The following PTBP3 variants were observed in gnomAD, a reference collection of about 807,000 sequenced individuals.
PTBP3 encodes the protein polypyrimidine tract binding protein 3, also known as polypyrimidine tract-binding protein 3.
A neutral mutation model predicts 58.7 loss-of-function variants in PTBP3; 20 were observed. The ratio of observed to expected loss-of-function variants is 0.34; its 90% CI spans 0.24 to 0.50. The LOEUF is 0.50. PTBP3 is among the 20% of genes least tolerant of loss of function. PTBP3 has a pLI of 0.98. For synonymous variants in PTBP3, 185 were observed against 219.8 expected (o/e 0.84, Z 1.40); for missense variants, 509 against 637.2 (o/e 0.80, Z 2.17).
intron 10 of PTBP3, among the ~76,000 whole-genome samples, chr9:112,230,386 A>G (rs373552003): frequency 6.7e-6 from 1 of 149,012 alleles, no homozygotes; most frequent in African/African-American, 2.5e-5. Flanking sequence ...AATCTTACAA[A>G]TGAAGCATAT....
At chr9:112,300,988 CAATA>C (rs57448585) in intron 1 of PTBP3, among the ~76,000 whole-genome samples, 127,132 of 151,360 alleles carry the variant, frequency 0.84, 53,684 homozygotes, top group African/African-American at 0.92. Flanking sequence ...GCACGAATGG[CAATA>C]AATAAATAAA....
chr9:112,363,916 A>G, the PTBP3 span, among the ~76,000 whole-genome samples: 1 of 152,216 alleles, frequency 6.6e-6, no homozygotes, highest in African/African-American at 2.4e-5. Context: ...TGACAAATAT[A>G]TAATGACATA....
intron 7 of PTBP3, among the ~76,000 whole-genome samples, chr9:112,243,506 C>T (rs1342571309): frequency 6.6e-6 from 1 of 151,938 alleles, no homozygotes; most frequent in Non-Finnish European, 1.5e-5. Context: ...TGTGCAACTG[C>T]ACTCCAACCT....
chr9:112,316,474 G>C (rs548495659), intron 1 of PTBP3, among the ~76,000 whole-genome samples: 1 of 152,158 alleles, frequency 6.6e-6, no homozygotes, highest in East Asian at 1.9e-4. Flanking sequence ...CCACACAAGT[G>C]AGCTCGAACA....
chr9:112,287,787 T>C (rs1270528578), intron 2 of PTBP3, among the ~76,000 whole-genome samples: 1 of 152,194 alleles, frequency 6.6e-6, no homozygotes, highest in Non-Finnish European at 1.5e-5. Context: ...TTCTATTTGA[T>C]TTTTTCTCCT....
the PTBP3 span, among the ~76,000 whole-genome samples, chr9:112,367,264 A>G: frequency 6.6e-6 from 1 of 152,198 alleles, no homozygotes; most frequent in Non-Finnish European, 1.5e-5. Flanking sequence ...CCATTACTAT[A>G]TTAGAGTATT....
At chr9:112,371,646 A>T in the PTBP3 span, among the ~76,000 whole-genome samples, 6 of 127,548 alleles carry the variant, frequency 4.7e-5, no homozygotes, top group East Asian at 2.2e-4. Flanking sequence ...TTTTTAGTAG[A>T]TTTTTTTTTT....
At chr9:112,307,250 C>T (rs1318951763) in intron 1 of PTBP3, among the ~76,000 whole-genome samples, 4 of 152,036 alleles carry the variant, frequency 2.6e-5, no homozygotes, top group African/African-American at 4.8e-5. Context: ...CTCAGGAGTT[C>T]GAGACCAGCC....
At chr9:112,326,823 G>C (rs913701948) in intron 1 of PTBP3, among the ~76,000 whole-genome samples, 1 of 152,162 alleles carries the variant, frequency 6.6e-6, no homozygotes, top group African/African-American at 2.4e-5. Context: ...TCCACAGTCT[G>C]ACACTTTGAT....
the PTBP3 span, among the ~76,000 whole-genome samples, chr9:112,376,259 T>TTTC: frequency 7.3e-6 from 1 of 137,634 alleles, no homozygotes; most frequent in Non-Finnish European, 1.6e-5. Flanking sequence ...TAAGTTTTTT[T>TTTC]TTTTTTTTTT....
chr9:112,306,625 T>C lies in PTBP3; in HGVS notation c.-51-8709A>G, dbSNP rs1829233450. Reference sequence around the variant, plus strand: ...ATATATTTTTGTTTGTTTGTTTGTTTGTTTGTTTTGAGACAGAGTCTTGCT... The same window carrying C: ...ATATATTTTTGTTTGTTTGTTTGTTCGTTTGTTTTGAGACAGAGTCTTGCT... On this transcript the variant is annotated intron_variant, in intron 1 of 13. Coordinates refer to ENST00000374257, the MANE Select transcript of PTBP3 (RefSeq NM_001163788.4). Among the ~76,000 whole-genome samples the C allele has an allele frequency of 1.3e-5, 2 of 151,348 alleles. 1 individual carries two copies. Among genetic ancestry groups the C allele is most frequent in the South Asian group, 4.2e-4 (2 of 4,812 alleles).
chr9:112,276,626 C>T (rs1827622734), intron 2 of PTBP3, among the ~76,000 whole-genome samples: 1 of 151,878 alleles, frequency 6.6e-6, no homozygotes, highest in Non-Finnish European at 1.5e-5. Flanking sequence ...TGGAAATTTC[C>T]AACCCCACCC....
rs1178531577 is a variant in PTBP3 at position 112,268,080 on chromosome 9, T to C, written c.320A>G (p.Glu107Gly). 5 of 1,613,458 alleles carry C rather than the reference T, an allele frequency of 3.1e-6. No individual in the cohort carries two copies. The highest frequency in any genetic ancestry group is 4.2e-6 in the Non-Finnish European group (5 of 1,179,732). The change falls in exon 4 of 14, where the codon GAA (glutamate) becomes GGA (glycine). Residue 107 changes from glutamate to glycine, a missense_variant. Physicochemically the swap from Glu to Gly is moderately conservative, Grantham distance 98. Around this residue, in one of 4 missense-constraint regions of PTBP3, gnomAD observed 212 missense variants for 215.3 expected, o/e 0.98. Transcript: ENST00000374257. ...ATTAGGTAGATTGTCAGTCTTAAGT[T>C]CTCTGTGATTGGAATACTGAATATA... ...PVYIQYSNHR[E>G]LKTDNLPNQA... is the part of the protein sequence containing the mutation.
the PTBP3 span, among the ~76,000 whole-genome samples, chr9:112,364,586 T>C: frequency 1.3e-5 from 2 of 152,108 alleles, no homozygotes; most frequent in African/African-American, 2.4e-5. Flanking sequence ...TGAGCTATGA[T>C]CACGCCACTG....
In PTBP3 at chr9:112,221,638, T is replaced by TA; in HGVS notation, c.*2212dup. ...TCTAGGTCAAAACTTATTTCATAAG[T>TA]AAAAAAACAAAAAACTAAAAACTCC... is the stretch of plus-strand genomic sequence containing the variant. On this transcript the variant is annotated 3_prime_UTR_variant, in exon 14 of 14. Coordinates refer to ENST00000374257, the MANE Select transcript of PTBP3 (RefSeq NM_001163788.4). 7 of 985,184 alleles carry TA rather than the reference T, an allele frequency of 7.1e-6. No homozygotes were observed. The highest frequency in any genetic ancestry group is 3.5e-5 in the African/African-American group (2 of 57,298). The allele number at this position is 985,184 out of a possible 1,614,324, so 61.0% of individuals were successfully genotyped here. A position where few individuals can be genotyped will look rare whatever the true frequency, so the allele number is the denominator to read the frequency against.
At chr9:112,218,084 G>C (rs1399390821), downstream of PTBP3, 1 of 152,194 alleles carries the variant, frequency 6.6e-6, no homozygotes, top group Admixed American at 6.5e-5. Flanking sequence ...CTGTAGTTTG[G>C]CACTGCACAT....
intron 1 of PTBP3, among the ~76,000 whole-genome samples, chr9:112,320,314 A>ATATATATATATTT: frequency 1.3e-3 from 95 of 75,674 alleles, no homozygotes; most frequent in Non-Finnish European, 1.7e-3. Flanking sequence ...ATATATATAT[A>ATATATATATATTT]TTTTTTTTTA....
rs180813149 is a variant in PTBP3, at chr9:112,222,321, A to G, written c.*1530T>C. 5.1e-4 allele frequency: 497 copies of G among 979,924 alleles called. 1 individual carries two copies. In the African/African-American group the frequency reaches 8.3e-3, roughly 16 times the overall value. 60.7% of individuals were successfully genotyped at this position (979,924 alleles called of 1,614,324 possible). A position where few individuals can be genotyped will look rare whatever the true frequency, so the allele number is the denominator to read the frequency against. ...TAAAATGTACTCTTACATTCAATGAAAAAGAGAGGGACAGAGTATGAGAAA... is the reference window on the plus strand; with the variant it reads ...TAAAATGTACTCTTACATTCAATGAGAAAGAGAGGGACAGAGTATGAGAAA... On this transcript the variant is annotated 3_prime_UTR_variant, in exon 14 of 14. Transcript: ENST00000374257.
chr9:112,321,801 G>GC (rs1829961814), intron 1 of PTBP3, among the ~76,000 whole-genome samples: 1 of 151,962 alleles, frequency 6.6e-6, no homozygotes, highest in Non-Finnish European at 1.5e-5. Context: ...GTCCTAAGGG[G>GC]CCCCCATACT....
Sources: allele counts gnomAD v4.1 joint callset (sites outside exome capture counted in the v4.1 genomes callset), GRCh38; gene constraint gnomAD v4.1.1; regional missense constraint gnomAD v4.1.1; transcripts MANE v1.5; gene names NCBI Gene and HGNC (gene_info 2026-07-23, HGNC 2026-07-21).